Variants in PPP2R2C observed in about 807,000 individuals in gnomAD.
PPP2R2C encodes protein phosphatase 2, regulatory subunit B, gamma.
In PPP2R2C, 10 loss-of-function variants were observed where a neutral mutation model predicts 45.3. That is an observed-to-expected ratio of 0.22 (90% confidence interval 0.14 to 0.37). The LOEUF (loss-of-function observed/expected upper bound fraction) is 0.37. Among genes scored for constraint, PPP2R2C ranks in the 10% least tolerant of loss-of-function variants. The pLI is 1.00. For synonymous variants in PPP2R2C, 257 were observed against 245.4 expected, an observed-to-expected ratio of 1.05 and a Z score of -0.44; for missense variants, 308 against 619.7, an observed-to-expected ratio of 0.50 and a Z score of 5.34.
chr4:6,364,325 C>A lies in PPP2R2C; in HGVS notation c.625+8198G>T, dbSNP rs1371374794. On this transcript the variant is annotated intron_variant, in intron 5 of 8. Transcript: ENST00000382599. This position sits in a 1 kb window ranked among gnomAD's most constrained non-coding sequence, Gnocchi z 5.3. The stretch of plus-strand genomic sequence containing the variant: ...GGTGAAGAGCAGGGGGCCGGGAACG[C>A]TGAGCCCAGGGAGCAAAGGGAGAGA... Among the ~76,000 whole-genome samples, 2 of 152,188 alleles carry A rather than the reference C, an allele frequency of 1.3e-5. No homozygotes were observed. The highest frequency in any genetic ancestry group is 3.9e-4 in the East Asian group (2 of 5,194).
intron 1 of PPP2R2C, among the ~76,000 whole-genome samples, chr4:6,399,402 C>T (rs916722982): frequency 6.6e-6 from 1 of 152,214 alleles, no homozygotes; most frequent in East Asian, 1.9e-4. Flanking sequence ...CCCAAGCAAT[C>T]GCATTAAAGG....
Position 6,383,402 on chromosome 4 carries a change from C to G in PPP2R2C, c.71-2308G>C, listed in dbSNP as rs940045946. Reference sequence around the variant, plus strand: ...GTTTTTAACTCAGCAAAAGGTACCTCCTCCCCTTCCCCAGCCTCATCTACT... The same window carrying G: ...GTTTTTAACTCAGCAAAAGGTACCTGCTCCCCTTCCCCAGCCTCATCTACT... On this transcript the variant is annotated intron_variant, in intron 1 of 8. Transcript: ENST00000382599. 3.9e-6 allele frequency: 5 copies of G among 1,289,694 alleles called. No homozygotes were observed. The African/African-American group carries it at 6.1e-5, about 16-fold the overall frequency. 79.9% of individuals were successfully genotyped at this position (1,289,694 alleles called of 1,614,324 possible).
intron 5 of PPP2R2C, among the ~76,000 whole-genome samples, chr4:6,348,264 G>A (rs556519345): frequency 2.1e-4 from 32 of 151,596 alleles, no homozygotes; most frequent in African/African-American, 6.8e-4. Context: ...CCTGACCTGC[G>A]GCCCCCCTCA....
At chr4:6,352,740 C>T (rs951775019) in intron 5 of PPP2R2C, among the ~76,000 whole-genome samples, 3 of 152,176 alleles carry the variant, frequency 2.0e-5, no homozygotes, top group Non-Finnish European at 2.9e-5. Flanking sequence ...TTCTCCACTG[C>T]AGTGGGTTGA....
At chr4:6,481,518 G>A (rs960483648) in intron 2 of PPP2R2C, among the ~76,000 whole-genome samples, 2 of 152,034 alleles carry the variant, frequency 1.3e-5, no homozygotes, top group Non-Finnish European at 2.9e-5. Context: ...TGGTCTTTCT[G>A]TCTGGCCCAT....
chr4:6,539,389 C>T (rs1257519412), intron 1 of PPP2R2C, among the ~76,000 whole-genome samples: 3 of 152,190 alleles, frequency 2.0e-5, no homozygotes, highest in South Asian at 2.1e-4. Flanking sequence ...GGGGACAATA[C>T]GTTTCTGTTG....
intron 2 of PPP2R2C, among the ~76,000 whole-genome samples, chr4:6,500,414 C>T (rs1723013232): frequency 6.6e-6 from 1 of 152,226 alleles, no homozygotes; most frequent in South Asian, 2.1e-4. Context: ...TCCTAAAGTG[C>T]TGGGATTACA....
At position 6,378,897 on chromosome 4, in the gene PPP2R2C, C is replaced by T. The variant is rs1442784570; in HGVS notation, c.169-325G>A. ...CCATCGCATTCTACCCTCCAGGCCT[C>T]CTCTGCTTGAGCACCACGACTCTCC... On this transcript the variant is annotated intron_variant, in intron 2 of 8. Transcript: ENST00000382599. This position sits in a 1 kb window ranked among gnomAD's most constrained non-coding sequence, Gnocchi z 5.2. 2.0e-5 allele frequency among the ~76,000 whole-genome samples: 3 copies of T among 151,804 alleles called. No individual in the cohort carries two copies. In the East Asian group the frequency reaches 5.9e-4, roughly 30 times the overall value.
chr4:6,450,139 C>T (rs1279694161), intron 1 of PPP2R2C, among the ~76,000 whole-genome samples: 1 of 152,192 alleles, frequency 6.6e-6, no homozygotes, highest in Admixed American at 6.5e-5. Context: ...GGGGCCAAAT[C>T]CCAATTCCAG....
intron 2 of PPP2R2C, among the ~76,000 whole-genome samples, chr4:6,493,296 G>A (rs62286088): frequency 0.11 from 16,983 of 151,716 alleles, 1,296 homozygotes; most frequent in Non-Finnish European, 0.17. Flanking sequence ...TTTAAAATTC[G>A]TTGTTTATCA....
chr4:6,323,360 A>G lies in PPP2R2C; in HGVS notation c.1286T>C (p.Ile429Thr), dbSNP rs545674626. ...GATGTACAGGTTGTTGGTGGCGGCG[A>G]TGGCAATGATGTTCTCAGCCGGGTG... ...AWHPAENIIA[I>T]AATNNLYIFQ... The change falls in exon 9 of 9, where the codon ATC (isoleucine) becomes ACC (threonine). Residue 429 changes from isoleucine to threonine, a missense_variant. Coordinates refer to ENST00000382599, the MANE Select transcript of PPP2R2C (RefSeq NM_020416.4). 6.2e-7 allele frequency: 1 copy of G among 1,613,534 alleles called. No individual in the cohort carries two copies. Among genetic ancestry groups the G allele is most frequent in the East Asian group, 2.2e-5 (1 of 44,852 alleles).
intron 1 of PPP2R2C, among the ~76,000 whole-genome samples, chr4:6,444,511 C>T (rs902556456): frequency 3.3e-5 from 5 of 152,170 alleles, no homozygotes; most frequent in South Asian, 2.1e-4. Flanking sequence ...TGCCACTCTC[C>T]GGGGTCCTCG....
intron 1 of PPP2R2C, among the ~76,000 whole-genome samples, chr4:6,550,792 C>T (rs1725159884): frequency 6.6e-6 from 1 of 152,198 alleles, no homozygotes; most frequent in Non-Finnish European, 1.5e-5. Flanking sequence ...ACTACAGGTG[C>T]AGGCCACCAT....
chr4:6,511,234 G>A (rs148182123), intron 2 of PPP2R2C, among the ~76,000 whole-genome samples: 3 of 147,570 alleles, frequency 2.0e-5, no homozygotes, highest in Admixed American at 6.9e-5. Flanking sequence ...CATGTTAGTC[G>A]TTCCGCTGGT....
At chr4:6,547,809 T>C (rs957176500) in intron 1 of PPP2R2C, among the ~76,000 whole-genome samples, 1 of 152,062 alleles carries the variant, frequency 6.6e-6, no homozygotes, top group Non-Finnish European at 1.5e-5. Context: ...AAAAATTGGT[T>C]CAAAACAGAT....
intron 1 of PPP2R2C, among the ~76,000 whole-genome samples, chr4:6,388,137 T>TC (rs1034879474): frequency 2.0e-5 from 3 of 151,820 alleles, no homozygotes; most frequent in Non-Finnish European, 4.4e-5. Context: ...ATGCTGTCCT[T>TC]CCCCCCCTGA....
chr4:6,558,784 C>T (rs548067857), intron 1 of PPP2R2C, among the ~76,000 whole-genome samples: 14 of 152,280 alleles, frequency 9.2e-5, no homozygotes, highest in South Asian at 4.1e-4. Flanking sequence ...CCTGGGCAAC[C>T]GGTCCACTCC....
intron 2 of PPP2R2C, among the ~76,000 whole-genome samples, chr4:6,526,645 C>T (rs1257280846): frequency 1.3e-5 from 2 of 152,180 alleles, no homozygotes; most frequent in Non-Finnish European, 2.9e-5. Context: ...ATCCATCTCC[C>T]TGGCCTGTTA....
At chr4:6,344,165 G>A (rs1424813232) in intron 6 of PPP2R2C, among the ~76,000 whole-genome samples, 4 of 152,192 alleles carry the variant, frequency 2.6e-5, no homozygotes, top group African/African-American at 4.8e-5. Flanking sequence ...CCCTCTCTCC[G>A]CACCTCGGCC....
Sources: allele counts gnomAD v4.1 joint callset (sites outside exome capture counted in the v4.1 genomes callset), GRCh38; gene constraint gnomAD v4.1.1; non-coding constraint Gnocchi (gnomAD v3.1); transcripts MANE v1.5; gene names NCBI Gene and HGNC (gene_info 2026-07-23, HGNC 2026-07-21).